SLC26A11: variants seen among roughly 807,000 people sequenced by gnomAD.
The protein encoded by SLC26A11 is solute carrier family 26 member 11.
SLC26A11 carries 58 observed loss-of-function variants against 62.2 expected under a neutral mutation model. The observed-to-expected ratio is 0.93, with a 90% CI of 0.76 to 1.16. The LOEUF is 1.16. SLC26A11 is among the 50% of genes most tolerant of loss of function. The pLI is 0.00. For missense variants in SLC26A11, 790 were observed against 794.3 expected, an observed-to-expected ratio of 0.99 and a Z score of 0.06; for synonymous variants, 411 against 368.9, an observed-to-expected ratio of 1.11 and a Z score of -1.31.
At chr17:80,242,489 G>T in intron 10 of SLC26A11, among the ~76,000 whole-genome samples, 1 of 152,180 alleles carries the variant, frequency 6.6e-6, no homozygotes, top group East Asian at 1.9e-4. Context: ...GGTCAAGAGG[G>T]GAAGGCTGTG....
At chr17:80,249,351 C>T (rs531703157) in intron 16 of SLC26A11, 64 bp downstream of exon 16, 3 of 1,581,980 alleles carry the variant, frequency 1.9e-6, no homozygotes, top group Admixed American at 3.4e-5. Flanking sequence ...GTGCCTGCCT[C>T]CCATGGCGAA....
chr17:80,225,958 T>G lies in SLC26A11; in HGVS notation c.593+42T>G, dbSNP rs373846387. On this transcript the variant is annotated intron_variant, in intron 6 of 17. Transcript: ENST00000361193. ...TCCTCCCTCCTATAAGGAAGCTCCT[T>G]CTTCCACACCTCCTCTCCCGGCCCC... 3.2e-6 allele frequency: 5 copies of G among 1,566,414 alleles called. No homozygotes were observed. In the African/African-American group the frequency reaches 5.4e-5, roughly 17 times the overall value.
chr17:80,221,666 A>AT lies in SLC26A11; in HGVS notation c.107dup (p.Leu37ProfsTer35). The AT allele has an allele frequency of 6.2e-7, 1 of 1,613,196 alleles. No homozygotes were observed. On this transcript the variant is annotated frameshift_variant, in exon 3 of 18. Transcript: ENST00000361193. LOFTEE classifies it high-confidence loss of function. The stretch of plus-strand genomic sequence containing the variant: ...TGCGGCCCTGCAGAGGAGGCTGCCC[A>AT]TCCTGGCGTGGCTGCCCAGCTACTC...
intron 9 of SLC26A11, among the ~76,000 whole-genome samples, chr17:80,238,263 G>A (rs2042754018): frequency 6.6e-6 from 1 of 152,188 alleles, no homozygotes; most frequent in Admixed American, 6.5e-5. Flanking sequence ...TGAGGCAGGA[G>A]GATCACTTGA....
intron 15 of SLC26A11, 130 bp from the exon 16 acceptor site, chr17:80,249,024 C>G (rs1028033097): frequency 5.0e-6 from 6 of 1,194,186 alleles, no homozygotes; most frequent in Middle Eastern, 2.9e-4. Context: ...AACTGGGCGA[C>G]TCAGCCGCCA....
rs1376189778 is a variant in SLC26A11 at position 80,224,481 on chromosome 17, ATAAAG to A, written c.513+1147_513+1151del. ...AGAGTGTGAGTGTGTGAGTGTGAGAATAAAGTAGACACTTTTTGCACTCTTGCTAC... is the reference window on the plus strand; with the variant it reads ...AGAGTGTGAGTGTGTGAGTGTGAGAATAGACACTTTTTGCACTCTTGCTAC... On this transcript the variant is annotated intron_variant, in intron 5 of 17. Coordinates refer to ENST00000361193, the MANE Select transcript of SLC26A11 (RefSeq NM_001166347.2). Among the ~76,000 whole-genome samples the A allele has an allele frequency of 2.0e-5, 3 of 151,994 alleles. No individual in the cohort carries two copies. In the South Asian group the frequency reaches 6.2e-4, roughly 32 times the overall value.
In SLC26A11 at chr17:80,228,330, A is replaced by G. The variant is rs142166778; in HGVS notation, c.736+370A>G. ...GTATTTATAGTAGAGACGGGGTTTC[A>G]CCATGTTGACCATACTGGTCTCAAA... On this transcript the variant is annotated intron_variant, in intron 7 of 17. Coordinates refer to ENST00000361193, the MANE Select transcript of SLC26A11 (RefSeq NM_001166347.2). The surrounding 1 kb of genome is among the most constrained non-coding windows in gnomAD (Gnocchi z 4.1). Among the ~76,000 whole-genome samples, 1,473 of 152,170 alleles carry G rather than the reference A, an allele frequency of 9.7e-3. 14 individuals carry two copies. Among genetic ancestry groups the G allele is most frequent in the South Asian group, 0.038 (182 of 4,824 alleles).
At chr17:80,248,972 G>C (rs1457458232) in intron 15 of SLC26A11, among the ~76,000 whole-genome samples, 182 bp from the exon 16 acceptor site, 1 of 152,204 alleles carries the variant, frequency 6.6e-6, no homozygotes, top group Non-Finnish European at 1.5e-5. Flanking sequence ...AGCTGCTGCT[G>C]TCACCAAACA....
chr17:80,245,272 G>A lies in SLC26A11; in HGVS notation c.1097+16G>A, dbSNP rs761198567. The A allele has an allele frequency of 3.1e-6, 5 of 1,613,354 alleles. No homozygotes were observed. The South Asian group carries it at 4.4e-5, about 14-fold the overall frequency. On this transcript the variant is annotated intron_variant, in intron 11 of 17. Coordinates refer to ENST00000361193, the MANE Select transcript of SLC26A11 (RefSeq NM_001166347.2). Reference sequence around the variant, plus strand: ...GCTTTGGACGGTGAGTGACCTGTCCGCCTCTTCTGTTTGCCCACGTTGGAC... The same window carrying A: ...GCTTTGGACGGTGAGTGACCTGTCCACCTCTTCTGTTTGCCCACGTTGGAC...
At position 80,230,181 on chromosome 17, in the gene SLC26A11, GA is replaced by G. The variant is rs1402413364; in HGVS notation, c.736+2222del. Among the ~76,000 whole-genome samples the G allele has an allele frequency of 2.5e-4, 35 of 141,832 alleles. 1 individual carries two copies. The highest frequency in any genetic ancestry group is 8.1e-4 in the Admixed American group (11 of 13,520). The allele number at this position is 141,832 out of a possible 152,430, so 93.0% of individuals were successfully genotyped here. A position where few individuals can be genotyped will look rare whatever the true frequency, so the allele number is the denominator to read the frequency against. ...CTGCACTCCAGCCTGGCAACAGAGC[GA>G]GACTCCTTCTCAAAAAAAAAAAAAA... On this transcript the variant is annotated intron_variant, in intron 7 of 17. Coordinates refer to ENST00000361193, the MANE Select transcript of SLC26A11 (RefSeq NM_001166347.2).
chr17:80,251,210 G>A (rs1436471968), intron 16 of SLC26A11, 119 bp from the exon 17 acceptor site: 1 of 1,601,092 alleles, frequency 6.2e-7, no homozygotes, highest in Non-Finnish European at 8.5e-7. Context: ...ACCATTCACT[G>A]GTATGGAGGT....
In SLC26A11 at chr17:80,228,094, C is replaced by G; in HGVS notation, c.736+134C>G. ...CTTGAGCATTGGGACATTTAAAACA[C>G]CACACCAAACTCTGGGACATGTACT... On this transcript the variant is annotated intron_variant, in intron 7 of 17. Transcript: ENST00000361193. This position sits in a 1 kb window ranked among gnomAD's most constrained non-coding sequence, Gnocchi z 4.1. The G allele has an allele frequency of 1.6e-6, 1 of 630,708 alleles. No homozygotes were observed. Among genetic ancestry groups the G allele is most frequent in the Non-Finnish European group, 2.7e-6 (1 of 375,272 alleles). The allele number at this position is 630,708 out of a possible 1,614,324, so 39.1% of individuals were successfully genotyped here.
chr17:80,246,195 G>C lies in SLC26A11; in HGVS notation c.1139G>C (p.Gly380Ala), dbSNP rs2042989759. Residue 380 changes from glycine to alanine, a missense_variant, in exon 12 of 18, where the codon GGG becomes GCG. Physicochemically the swap from Gly to Ala is moderately conservative, Grantham distance 60. Coordinates refer to ENST00000361193, the MANE Select transcript of SLC26A11 (RefSeq NM_001166347.2). The surrounding 1 kb of genome is among the most constrained non-coding windows in gnomAD (Gnocchi z 4.4). Reference sequence around the variant, plus strand: ...CAGTCGGGGGTGTGCACCCCGGCGGGGGGCCTGGTGACGGGTAAGGCCCCC... The same window carrying C: ...CAGTCGGGGGTGTGCACCCCGGCGGCGGGCCTGGTGACGGGTAAGGCCCCC... ...NAQSGVCTPA[G>A]GLVTGVLVLL... The C allele has an allele frequency of 6.2e-7, 1 of 1,612,048 alleles. No individual in the cohort carries two copies. Among genetic ancestry groups the C allele is most frequent in the Non-Finnish European group, 8.5e-7 (1 of 1,179,640 alleles).
At chr17:80,248,712 C>A (rs1252968018) in intron 15 of SLC26A11, 38 bp downstream of exon 15, 1 of 1,529,016 alleles carries the variant, frequency 6.5e-7, no homozygotes, top group Non-Finnish European at 8.9e-7. Flanking sequence ...GAGGTCACTC[C>A]CCTGTCCTCT....
intron 16 of SLC26A11, among the ~76,000 whole-genome samples, chr17:80,251,127 T>C (rs1248520634): frequency 1.3e-5 from 2 of 151,254 alleles, no homozygotes; most frequent in Non-Finnish European, 2.9e-5. Flanking sequence ...CAAGACCCTG[T>C]CTCAAAAAAC....
At position 80,248,119 on chromosome 17, in the gene SLC26A11, C is replaced by T. The variant is rs200327288; in HGVS notation, c.1295-11C>T. 6.9e-5 allele frequency: 110 copies of T among 1,598,198 alleles called. 1 individual carries two copies. Among genetic ancestry groups the T allele is most frequent in the Non-Finnish European group, 2.5e-5 (30 of 1,177,976 alleles). On this transcript the variant is annotated splice_polypyrimidine_tract_variant and intron_variant, in intron 13 of 17. Coordinates refer to ENST00000361193, the MANE Select transcript of SLC26A11 (RefSeq NM_001166347.2). The stretch of plus-strand genomic sequence containing the variant: ...GCTGCCGGGCATTCCTCAGCTGTGC[C>T]CTTCTCCTAGGGCTGGACCTGCTGC...
Position 80,235,038 on chromosome 17 carries a change from C to G in SLC26A11, c.737-1890C>G, listed in dbSNP as rs151174523. ...CTAATTTTTGTATTTTTAGTAAAGACAGAGCTTCACTGTGTTGGCTGGGCC... is the reference window on the plus strand; with the variant it reads ...CTAATTTTTGTATTTTTAGTAAAGAGAGAGCTTCACTGTGTTGGCTGGGCC... On this transcript the variant is annotated intron_variant, in intron 7 of 17. Transcript: ENST00000361193. Among the ~76,000 whole-genome samples the G allele has an allele frequency of 3.3e-5, 5 of 152,008 alleles. No homozygotes were observed. The East Asian group carries it at 9.7e-4, about 30-fold the overall frequency.
At position 80,221,644 on chromosome 17, in the gene SLC26A11, G is replaced by A. The variant is rs758365577; in HGVS notation, c.84G>A (p.Ala28=). 43 of 1,612,000 alleles carry A rather than the reference G, an allele frequency of 2.7e-5. No individual in the cohort carries two copies. The highest frequency in any genetic ancestry group is 3.2e-5 in the Non-Finnish European group (38 of 1,179,876). Residue 28 remains alanine, a synonymous_variant, in exon 3 of 18, where the codon GCG becomes GCA. Transcript: ENST00000361193. The part of the protein sequence containing the change: ...MAPSACCCSP[A]ALQRRLPILA... ...CGAGCGCCTGCTGCTGCTCCCCTGC[G>A]GCCCTGCAGAGGAGGCTGCCCATCC...
Position 80,246,662 on chromosome 17 carries a change from C to G in SLC26A11, c.1294+13C>G, listed in dbSNP as rs757920274. On this transcript the variant is annotated intron_variant, in intron 13 of 17. Coordinates refer to ENST00000361193, the MANE Select transcript of SLC26A11 (RefSeq NM_001166347.2). The surrounding 1 kb of genome is among the most constrained non-coding windows in gnomAD (Gnocchi z 4.4). ...TGGCGTGTTAAGAGTACGTCCTTGT[C>G]CTACAGGGGAGAGCGCTGTGATGCG... is the stretch of plus-strand genomic sequence containing the variant. 2 of 1,612,514 alleles carry G rather than the reference C, an allele frequency of 1.2e-6. No homozygotes were observed. The highest frequency in any genetic ancestry group is 2.2e-5 in the South Asian group (2 of 90,862).
Sources: gnomAD v4.1 joint callset for allele counts (sites outside exome capture counted in the v4.1 genomes callset) on GRCh38, gnomAD v4.1.1 for gene constraint, Gnocchi (gnomAD v3.1) non-coding constraint, MANE v1.5 for transcripts, NCBI Gene and HGNC (gene_info 2026-07-23, HGNC 2026-07-21) for gene names.